CYTH1: variants seen among roughly 807,000 people sequenced by gnomAD.
CYTH1 encodes cytohesin 1, also known as cytohesin-1.
CYTH1 carries 18 observed loss-of-function variants against 61.8 expected under a neutral mutation model. The observed-to-expected ratio is 0.29, with a 90% CI of 0.20 to 0.43. The LOEUF (loss-of-function observed/expected upper bound fraction) is 0.43. Ranked by LOEUF, CYTH1 falls within the 20% of genes least tolerant of loss-of-function variation. CYTH1 has a pLI of 1.00. For synonymous variants in CYTH1, 174 were observed against 184.3 expected, an observed-to-expected ratio of 0.94 and a Z score of 0.45; for missense variants, 336 against 510.5, an observed-to-expected ratio of 0.66 and a Z score of 3.29.
At chr17:78,727,788 C>T (rs950351593) in intron 1 of CYTH1, 12 of 462,494 alleles carry the variant, frequency 2.6e-5, no homozygotes, top group Non-Finnish European at 4.1e-5. Flanking sequence ...TGAGGCTGCT[C>T]TTGGACCGTC....
chr17:78,680,794 C>T (rs900271028), intron 12 of CYTH1, among the ~76,000 whole-genome samples, 177 bp downstream of exon 12: 7 of 152,126 alleles, frequency 4.6e-5, no homozygotes, highest in East Asian at 3.9e-4. Flanking sequence ...AGCAGACAGA[C>T]GGCACAGGAA....
chr17:78,679,835 A>G (rs2092739291), intron 13 of CYTH1, among the ~76,000 whole-genome samples: 1 of 152,194 alleles, frequency 6.6e-6, no homozygotes, highest in African/African-American at 2.4e-5. Flanking sequence ...ATTACAGAAC[A>G]TGACTACTAT....
intron 11 of CYTH1, among the ~76,000 whole-genome samples, chr17:78,683,135 T>C (rs1306153984): frequency 2.0e-5 from 3 of 151,704 alleles, no homozygotes; most frequent in Non-Finnish European, 4.4e-5. Context: ...TCCAGGAGGA[T>C]TTTTTTTTAT....
intron 1 of CYTH1, among the ~76,000 whole-genome samples, chr17:78,734,509 C>G (rs972595087): frequency 7.3e-6 from 1 of 136,280 alleles, no homozygotes; most frequent in East Asian, 2.3e-4. Context: ...GGTACGATTT[C>G]GGCTCAACGC....
At chr17:78,716,182 T>A (rs999019669) in intron 1 of CYTH1, among the ~76,000 whole-genome samples, 3 of 152,136 alleles carry the variant, frequency 2.0e-5, no homozygotes, top group Admixed American at 1.3e-4. Context: ...GACAAAATAA[T>A]CACCAATTTA....
intron 1 of CYTH1, among the ~76,000 whole-genome samples, chr17:78,760,047 C>T (rs2093415884): frequency 6.6e-6 from 1 of 151,968 alleles, no homozygotes; most frequent in African/African-American, 2.4e-5. Flanking sequence ...GAGTAAGGAA[C>T]CAGAATAAAT....
At position 78,698,835 on chromosome 17, in the gene CYTH1, C is replaced by T. The variant is rs201122386; in HGVS notation, c.684G>A (p.Pro228=). ...NRGINDGGDL[P]EELLRNLYES... ...CCTTGCTTACCCGGAGGAGCTCCTC[C>T]GGCAGGTCTCCCCCATCATTGATGC... Residue 228 remains proline (P), a synonymous_variant, in exon 8 of 14, where the codon CCG becomes CCA. Transcript: ENST00000446868. 33 of 1,583,634 alleles carry T rather than the reference C, an allele frequency of 2.1e-5. No individual in the cohort carries two copies. Among genetic ancestry groups the T allele is most frequent in the African/African-American group, 1.7e-4 (12 of 72,578 alleles).
intron 5 of CYTH1, 33 bp from the exon 6 acceptor site, chr17:78,701,784 G>A (rs757989032): frequency 6.2e-7 from 1 of 1,604,120 alleles, no homozygotes; most frequent in Admixed American, 1.7e-5. Context: ...GGGAGAGAAA[G>A]CAGGAGTCAG....
intron 11 of CYTH1, among the ~76,000 whole-genome samples, chr17:78,686,738 C>T (rs561805137): frequency 1.8e-4 from 28 of 152,166 alleles, no homozygotes; most frequent in Admixed American, 1.2e-3. Context: ...GAAGATGGTT[C>T]GGGATGATTC....
chr17:78,675,650 C>A lies in CYTH1; in HGVS notation c.*441G>T. 1 of 352,988 alleles carries A rather than the reference C, an allele frequency of 2.8e-6. No homozygotes were observed. The highest frequency in any genetic ancestry group is 5.0e-6 in the Non-Finnish European group (1 of 198,080). 21.9% of individuals were successfully genotyped at this position (352,988 alleles called of 1,614,324 possible). On this transcript the variant is annotated 3_prime_UTR_variant, in exon 14 of 14. Transcript: ENST00000446868. ...CTCTCTTAAAAAAAAAAAAATAGAT[C>A]TTTATAGTATGTGGCTTCTCTTCCT...
intron 1 of CYTH1, among the ~76,000 whole-genome samples, chr17:78,777,106 C>T (rs1555617768): frequency 6.9e-6 from 1 of 145,880 alleles, no homozygotes; most frequent in Non-Finnish European, 1.5e-5. Flanking sequence ...GCCTGGGCAA[C>T]AAGAGTGAAA....
intron 1 of CYTH1, among the ~76,000 whole-genome samples, chr17:78,761,079 C>T (rs2093426753): frequency 6.6e-6 from 1 of 152,054 alleles, no homozygotes; most frequent in Admixed American, 6.5e-5. Context: ...TGTGATCCAC[C>T]CACCTCGGCC....
At chr17:78,780,922 G>A (rs550813881) in intron 1 of CYTH1, among the ~76,000 whole-genome samples, 5 of 152,162 alleles carry the variant, frequency 3.3e-5, no homozygotes, top group Admixed American at 2.0e-4. Context: ...CAGGAGAATC[G>A]CTCAGCTCAC....
At chr17:78,688,637 T>A (rs1461992263) in intron 11 of CYTH1, among the ~76,000 whole-genome samples, 1 of 152,226 alleles carries the variant, frequency 6.6e-6, no homozygotes, top group Non-Finnish European at 1.5e-5. Flanking sequence ...GAATGATGCT[T>A]TCAGCGCAGA....
At chr17:78,774,983 C>T (rs999012980) in intron 1 of CYTH1, among the ~76,000 whole-genome samples, 4 of 152,338 alleles carry the variant, frequency 2.6e-5, no homozygotes, top group African/African-American at 4.8e-5. Context: ...TTAGAACTGC[C>T]GCAAGGCACT....
intron 4 of CYTH1, 128 bp from the exon 5 acceptor site, chr17:78,702,368 A>G: frequency 2.0e-6 from 2 of 1,009,192 alleles, no homozygotes; most frequent in Non-Finnish European, 3.0e-6. Context: ...TAAGTGACCT[A>G]TAAAGCCGGG....
chr17:78,714,015 C>A (rs1567854217), intron 1 of CYTH1, among the ~76,000 whole-genome samples: 1 of 152,172 alleles, frequency 6.6e-6, no homozygotes, highest in Non-Finnish European at 1.5e-5. Context: ...ATAGGCCAGG[C>A]GCGGTGGTCC....
intron 13 of CYTH1, 60 bp downstream of exon 13, chr17:78,680,127 TCAA>T: frequency 1.9e-6 from 3 of 1,589,994 alleles, no homozygotes; most frequent in Non-Finnish European, 1.7e-6. Context: ...ACTAAGATGA[TCAA>T]CACCTGGTGA....
intron 1 of CYTH1, among the ~76,000 whole-genome samples, chr17:78,768,224 T>C (rs753509892): frequency 2.4e-4 from 36 of 152,150 alleles, no homozygotes; most frequent in Non-Finnish European, 4.6e-4. Context: ...CCTGAAGAGT[T>C]ATATACATTT....
Sources: gnomAD v4.1 joint callset for allele counts (sites outside exome capture counted in the v4.1 genomes callset) on GRCh38, gnomAD v4.1.1 for gene constraint, MANE v1.5 for transcripts, NCBI Gene and HGNC (gene_info 2026-07-23, HGNC 2026-07-21) for gene names.